Variants in EFHB observed in about 807,000 individuals in gnomAD.
The protein encoded by EFHB is EF-hand domain family member B, also known as EF-hand domain-containing family member B.
Under a neutral mutation model 87.2 loss-of-function variants are expected in EFHB, and 91 were observed. The observed-to-expected ratio is 1.04, with a 90% CI of 0.88 to 1.24. The LOEUF is 1.24. Ranked by LOEUF, EFHB falls within the 50% of genes most tolerant of loss-of-function variation. The pLI, the probability that EFHB is intolerant of heterozygous loss-of-function variation, is 0.00. For synonymous variants in EFHB, 325 were observed against 333.6 expected (o/e 0.97, Z 0.28); for missense variants, 1,084 against 998.8 (o/e 1.09, Z -1.15).
intron 1 of EFHB, among the ~76,000 whole-genome samples, chr3:19,921,550 T>C (rs2125153635): frequency 6.6e-6 from 1 of 152,070 alleles, no homozygotes. Context: ...TGAGAAAGTG[T>C]GTGGAGTCCA....
rs143480580 is a variant in EFHB, at chr3:19,934,127, A to C, written c.-109T>G. ...TCCCTTGCGGAACCCCTCTCTCAGGAAAGAGCACAACCTCACTCGGACTCC... is the reference window on the plus strand; with the variant it reads ...TCCCTTGCGGAACCCCTCTCTCAGGCAAGAGCACAACCTCACTCGGACTCC... On this transcript the variant is annotated 5_prime_UTR_variant, in exon 1 of 13. Transcript: ENST00000295824. 6.8e-7 allele frequency: 1 copy of C among 1,464,188 alleles called. No homozygotes were observed. The highest frequency in any genetic ancestry group is 1.4e-5 in the African/African-American group (1 of 70,614). The allele number at this position is 1,464,188 out of a possible 1,614,324, so 90.7% of individuals were successfully genotyped here.
chr3:19,916,123 C>A (rs1463002286), intron 4 of EFHB, among the ~76,000 whole-genome samples: 1 of 152,170 alleles, frequency 6.6e-6, no homozygotes, highest in Non-Finnish European at 1.5e-5. Context: ...CAAATCTGAA[C>A]CACAAATTAG....
At position 19,918,261 on chromosome 3, in the gene EFHB, T is replaced by C. The variant is rs753163048; in HGVS notation, c.1148A>G (p.Asn383Ser). The change falls in exon 4 of 13, where the codon AAT (asparagine) becomes AGT (serine). Residue 383 changes from asparagine (N) to serine (S), a missense_variant. Physicochemically the swap from Asn to Ser is conservative, Grantham distance 46 (BLOSUM62 1). Coordinates refer to ENST00000295824, the MANE Select transcript of EFHB (RefSeq NM_144715.4). ...PGLPKGMDTT[N>S]TTFGTAVIKE... ...GATGACTGCTGTCCCAAATGTCGTATTGGTTGTGTCCATGCCTTTTGGTAA... is the reference window on the plus strand; with the variant it reads ...GATGACTGCTGTCCCAAATGTCGTACTGGTTGTGTCCATGCCTTTTGGTAA... 28 of 1,608,790 alleles carry C rather than the reference T, an allele frequency of 1.7e-5. No individual in the cohort carries two copies. Among genetic ancestry groups the C allele is most frequent in the Non-Finnish European group, 2.0e-5 (24 of 1,178,538 alleles).
intron 5 of EFHB, among the ~76,000 whole-genome samples, chr3:19,907,021 C>A (rs752225746): frequency 6.7e-6 from 1 of 150,180 alleles, no homozygotes; most frequent in Admixed American, 6.6e-5. Context: ...CAACACCATA[C>A]ACAAAAATCA....
At chr3:19,941,196 C>T in intron 1 of EFHB, 1 of 358,334 alleles carries the variant, frequency 2.8e-6, no homozygotes, top group Admixed American at 3.5e-5. Flanking sequence ...GAATCTGTGA[C>T]TTGTCTAGTT....
chr3:19,933,992 G>A lies in EFHB; in HGVS notation c.27C>T (p.His9=). The A allele has an allele frequency of 6.2e-7, 1 of 1,607,886 alleles. No homozygotes were observed. The change falls in exon 1 of 13, where the codon CAC becomes CAT. Residue 9 remains histidine (H), a synonymous_variant. Transcript: ENST00000295824. Reference sequence around the variant, plus strand: ...TGTCTCCTAAATCATCCTTTCCTTCGTGGGGATGTCCAATCTCCATGTTCA... The same window carrying A: ...TGTCTCCTAAATCATCCTTTCCTTCATGGGGATGTCCAATCTCCATGTTCA... MNMEIGHP[H]EGKDDLGDKR... is the part of the protein sequence containing the mutation.
chr3:19,895,219 A>G (rs574843176), intron 9 of EFHB, among the ~76,000 whole-genome samples: 51 of 151,248 alleles, frequency 3.4e-4, no homozygotes, highest in African/African-American at 1.2e-3. Flanking sequence ...CGGTGGCTCA[A>G]GCCCGTAATC....
At chr3:19,916,605 A>G (rs1387132246) in intron 4 of EFHB, among the ~76,000 whole-genome samples, 1 of 152,180 alleles carries the variant, frequency 6.6e-6, no homozygotes, top group Non-Finnish European at 1.5e-5. Context: ...CACTGGAATC[A>G]GGGAGAAATT....
At chr3:19,914,412 G>A (rs1695157844) in intron 5 of EFHB, among the ~76,000 whole-genome samples, 1 of 152,060 alleles carries the variant, frequency 6.6e-6, no homozygotes, top group Non-Finnish European at 1.5e-5. Flanking sequence ...ACTTTACTTA[G>A]CATCAACATA....
Position 19,888,591 on chromosome 3 carries a change from T to C in EFHB, c.1786A>G (p.Ser596Gly), listed in dbSNP as rs1435387867. ...LQEACDQANL[S>G]LDDKLLDQLF... ...TGGTCCAGGAGCTTGTCATCTAAACTCAAGTTGGCCTGGTCACAAGCTTCC... is the reference window on the plus strand; with the variant it reads ...TGGTCCAGGAGCTTGTCATCTAAACCCAAGTTGGCCTGGTCACAAGCTTCC... The change falls in exon 10 of 13, where the codon AGT becomes GGT. Residue 596 changes from serine (S) to glycine (G), a missense_variant. Transcript: ENST00000295824. 1 of 1,607,046 alleles carries C rather than the reference T, an allele frequency of 6.2e-7. No homozygotes were observed.
At chr3:19,916,850 TAAG>T (rs1246005702) in intron 4 of EFHB, among the ~76,000 whole-genome samples, 1 of 152,224 alleles carries the variant, frequency 6.6e-6, no homozygotes, top group Non-Finnish European at 1.5e-5. Flanking sequence ...AACGAATAGT[TAAG>T]AATACCAGAA....
intron 10 of EFHB, among the ~76,000 whole-genome samples, chr3:19,887,473 C>T (rs1694147789): frequency 6.6e-6 from 1 of 151,100 alleles, no homozygotes; most frequent in Admixed American, 6.6e-5. Flanking sequence ...TTTAGACATG[C>T]TTAAAATATA....
rs760500664 is a variant in EFHB at position 19,879,587 on chromosome 3, A to G, written c.*44T>C. 8.6e-6 allele frequency: 13 copies of G among 1,504,194 alleles called. No homozygotes were observed. The South Asian group carries it at 1.8e-4, about 21-fold the overall frequency. 93.2% of individuals were successfully genotyped at this position (1,504,194 alleles called of 1,614,324 possible). A position where few individuals can be genotyped will look rare whatever the true frequency, so the allele number is the denominator to read the frequency against. Reference sequence around the variant, plus strand: ...TGGATTCAACATTTTAGATAAACACAGAGTTAATAATTCTTTTGCTTGAAT... The same window carrying G: ...TGGATTCAACATTTTAGATAAACACGGAGTTAATAATTCTTTTGCTTGAAT... On this transcript the variant is annotated 3_prime_UTR_variant, in exon 13 of 13. Coordinates refer to ENST00000295824, the MANE Select transcript of EFHB (RefSeq NM_144715.4).
chr3:19,899,323 T>C, intron 7 of EFHB, 109 bp downstream of exon 7: 1 of 704,838 alleles, frequency 1.4e-6, no homozygotes, highest in Non-Finnish European at 2.1e-6. Context: ...AAATAATGAT[T>C]TTCTTATTTA....
At chr3:19,903,284 T>C (rs1694732812) in intron 6 of EFHB, among the ~76,000 whole-genome samples, 1 of 152,136 alleles carries the variant, frequency 6.6e-6, no homozygotes, top group East Asian at 1.9e-4. Context: ...TGCACACTGT[T>C]TGCCCTTATA....
rs779367298 is a variant in EFHB at position 19,888,501 on chromosome 3, G to T, written c.1876C>A (p.Leu626Ile). The change falls in exon 10 of 13, where the codon CTT becomes ATT. Residue 626 changes from leucine (L) to isoleucine (I), a missense_variant. Coordinates refer to ENST00000295824, the MANE Select transcript of EFHB (RefSeq NM_144715.4). ...AGAAGCATTTTGTCTTTCCAGTTAA[G>T]AAAATTTGCGAATTCCAGATAGTTA... ...FINYLEFANF[L>I]NWKDKMLLKE... is the part of the protein sequence containing the mutation. The T allele has an allele frequency of 5.7e-6, 9 of 1,574,154 alleles. No homozygotes were observed. The highest frequency in any genetic ancestry group is 1.2e-5 in the South Asian group (1 of 86,078).
intron 8 of EFHB, among the ~76,000 whole-genome samples, chr3:19,898,515 AT>A (rs1694560362): frequency 6.6e-6 from 1 of 152,102 alleles, no homozygotes; most frequent in Non-Finnish European, 1.5e-5. Context: ...GGCCATATTT[AT>A]TTTTCCTAAA....
At chr3:19,880,519 TGGG>T (rs2071648859) in intron 12 of EFHB, among the ~76,000 whole-genome samples, 1 of 152,174 alleles carries the variant, frequency 6.6e-6, no homozygotes, top group Admixed American at 6.5e-5. Flanking sequence ...CCCAAAGTGC[TGGG>T]ATTACAGGCA....
chr3:19,938,914 G>T (rs1426196251), upstream of EFHB, among the ~76,000 whole-genome samples: 1 of 151,948 alleles, frequency 6.6e-6, no homozygotes, highest in Non-Finnish European at 1.5e-5. Flanking sequence ...GTTTGCTTTT[G>T]TTTTGTTTTT....
Sources: allele counts gnomAD v4.1 joint callset (sites outside exome capture counted in the v4.1 genomes callset), GRCh38; gene constraint gnomAD v4.1.1; transcripts MANE v1.5; gene names NCBI Gene and HGNC (gene_info 2026-07-23, HGNC 2026-07-21).